The following FBXL20 variants were observed in gnomAD, a reference collection of about 807,000 sequenced individuals.
The protein encoded by FBXL20 is F-box/LRR-repeat protein 20.
FBXL20 carries 11 observed loss-of-function variants against 64.0 expected under a neutral mutation model. The observed-to-expected ratio is 0.17, with a 90% CI of 0.11 to 0.28. The LOEUF is 0.28. Among genes scored for constraint, FBXL20 ranks in the 10% least tolerant of loss-of-function variants. The pLI, the probability that FBXL20 is intolerant of heterozygous loss-of-function variation, is 1.00. For missense variants in FBXL20, 303 were observed against 526.2 expected (o/e 0.58, Z 4.15); for synonymous variants, 184 against 189.0 (o/e 0.97, Z 0.22).
chr17:39,294,637 C>A (rs946370315), intron 6 of FBXL20, among the ~76,000 whole-genome samples: 12 of 151,942 alleles, frequency 7.9e-5, no homozygotes, highest in Non-Finnish European at 1.5e-4. Context: ...TTTTTAAATT[C>A]ACTAAAATGT....
chr17:39,305,742 T>C (rs2047175726), intron 2 of FBXL20, among the ~76,000 whole-genome samples: 1 of 151,946 alleles, frequency 6.6e-6, no homozygotes, highest in Non-Finnish European at 1.5e-5. Flanking sequence ...TCCCAGCATT[T>C]TGGGAGGCTG....
chr17:39,327,725 G>A (rs772854880), intron 2 of FBXL20, among the ~76,000 whole-genome samples: 1 of 151,978 alleles, frequency 6.6e-6, no homozygotes, highest in East Asian at 1.9e-4. Flanking sequence ...TTTCAAGACG[G>A]AATCTCGCTC....
At chr17:39,277,485 G>C (rs1351759310) in intron 9 of FBXL20, among the ~76,000 whole-genome samples, 2 of 152,070 alleles carry the variant, frequency 1.3e-5, no homozygotes. Flanking sequence ...GGCCAGGCAC[G>C]GTGGCTCGCG....
At chr17:39,346,994 T>C (rs2047640195) in intron 1 of FBXL20, among the ~76,000 whole-genome samples, 1 of 152,198 alleles carries the variant, frequency 6.6e-6, no homozygotes, top group Non-Finnish European at 1.5e-5. Context: ...TCCAGCTTCA[T>C]CCATGTCCCT....
At chr17:39,265,227 T>C (rs185462478) in intron 13 of FBXL20, among the ~76,000 whole-genome samples, 170 bp downstream of exon 13, 8 of 152,362 alleles carry the variant, frequency 5.3e-5, no homozygotes, top group Non-Finnish European at 1.0e-4. Context: ...TCAGTTCTTA[T>C]CTGTTTCCTA....
chr17:39,287,169 C>A (rs1332417169), intron 6 of FBXL20, among the ~76,000 whole-genome samples: 2 of 152,080 alleles, frequency 1.3e-5, no homozygotes, highest in Non-Finnish European at 2.9e-5. Context: ...CCTCGGCCTC[C>A]CAAAGTGCTG....
chr17:39,397,121 G>A (rs1471513186), intron 1 of FBXL20, among the ~76,000 whole-genome samples: 1 of 152,114 alleles, frequency 6.6e-6, no homozygotes, highest in Non-Finnish European at 1.5e-5. Flanking sequence ...GGCCAGGCTG[G>A]TCTCGAACTC....
At chr17:39,318,972 C>T (rs181537273) in intron 2 of FBXL20, among the ~76,000 whole-genome samples, 54 of 152,042 alleles carry the variant, frequency 3.6e-4, no homozygotes, top group Admixed American at 2.6e-3. Flanking sequence ...AATTCTGAGC[C>T]GGGTGTGGTG....
chr17:39,352,613 G>A (rs377752694), intron 1 of FBXL20, among the ~76,000 whole-genome samples: 82 of 151,162 alleles, frequency 5.4e-4, no homozygotes, highest in Non-Finnish European at 7.2e-4. Context: ...CCCTGGAGGC[G>A]GAGGTTGCAG....
chr17:39,266,116 T>A (rs974524762), intron 12 of FBXL20, among the ~76,000 whole-genome samples: 2 of 125,376 alleles, frequency 1.6e-5, no homozygotes, highest in African/African-American at 6.3e-5. Flanking sequence ...TTGCTCAGGG[T>A]GGAGTGCAGT....
At chr17:39,288,141 A>C (rs1297831634) in intron 6 of FBXL20, among the ~76,000 whole-genome samples, 1 of 151,450 alleles carries the variant, frequency 6.6e-6, no homozygotes, top group Non-Finnish European at 1.5e-5. Flanking sequence ...TTTTTTTTGT[A>C]GTTTTAGTAG....
At chr17:39,331,730 T>C (rs2047463297) in intron 2 of FBXL20, among the ~76,000 whole-genome samples, 1 of 152,240 alleles carries the variant, frequency 6.6e-6, no homozygotes, top group Non-Finnish European at 1.5e-5. Flanking sequence ...TCTATACATC[T>C]AATGTCCCTC....
At chr17:39,348,901 C>T (rs554207016) in intron 1 of FBXL20, among the ~76,000 whole-genome samples, 2 of 151,952 alleles carry the variant, frequency 1.3e-5, no homozygotes, top group African/African-American at 2.4e-5. Context: ...CACTATGTTG[C>T]CCAATCTAGT....
intron 2 of FBXL20, among the ~76,000 whole-genome samples, chr17:39,329,864 G>A (rs1029915416): frequency 6.6e-6 from 1 of 152,048 alleles, no homozygotes; most frequent in Non-Finnish European, 1.5e-5. Context: ...CAGGTGTGAT[G>A]GCACATGCCT....
Position 39,261,443 on chromosome 17 carries a change from G to A in FBXL20, c.*17C>T. On this transcript the variant is annotated 3_prime_UTR_variant, in exon 15 of 15. Transcript: ENST00000264658. ...GTCATTAAATACTCAGTTCGCCAAGGTTGACCACCTCCATTGTCATAGGAT... is the reference window on the plus strand; with the variant it reads ...GTCATTAAATACTCAGTTCGCCAAGATTGACCACCTCCATTGTCATAGGAT... The A allele has an allele frequency of 1.2e-6, 2 of 1,600,028 alleles. No individual in the cohort carries two copies. The highest frequency in any genetic ancestry group is 2.2e-5 in the East Asian group (1 of 44,802).
At chr17:39,350,403 C>T (rs187668727) in intron 1 of FBXL20, among the ~76,000 whole-genome samples, 23 of 151,878 alleles carry the variant, frequency 1.5e-4, no homozygotes, top group Admixed American at 1.4e-3. Context: ...GCAGAAGAAT[C>T]GCTTGAACCT....
At chr17:39,267,663 T>A (rs752556371) in intron 12 of FBXL20, among the ~76,000 whole-genome samples, 5 of 152,222 alleles carry the variant, frequency 3.3e-5, no homozygotes, top group Non-Finnish European at 7.3e-5. Context: ...TTCATGGTTA[T>A]GTTAGGACTG....
At chr17:39,345,107 CGCT>C (rs1386309623) in intron 1 of FBXL20, among the ~76,000 whole-genome samples, 13 of 152,168 alleles carry the variant, frequency 8.5e-5, no homozygotes, top group African/African-American at 3.1e-4. Context: ...TACGTTCCGT[CGCT>C]GCTATTAAGT....
intron 2 of FBXL20, among the ~76,000 whole-genome samples, chr17:39,312,294 A>G (rs1237456711): frequency 6.6e-6 from 1 of 151,644 alleles, no homozygotes; most frequent in East Asian, 2.0e-4. Flanking sequence ...AGGCACCTCT[A>G]ATCACAGCTA....
Sources: gnomAD v4.1 joint callset for allele counts (sites outside exome capture counted in the v4.1 genomes callset) on GRCh38, gnomAD v4.1.1 for gene constraint, MANE v1.5 for transcripts, NCBI Gene and HGNC (gene_info 2026-07-23, HGNC 2026-07-21) for gene names.